Variants in HS3ST3B1 observed in about 807,000 individuals in gnomAD.
HS3ST3B1 encodes heparan sulfate glucosamine 3-O-sulfotransferase 3B1.
In HS3ST3B1, 13 loss-of-function variants were observed where a neutral mutation model predicts 21.3. The ratio of observed to expected loss-of-function variants is 0.61; its 90% CI spans 0.40 to 0.97. HS3ST3B1 has a LOEUF of 0.97. Among genes scored for constraint, HS3ST3B1 ranks in the 50% least tolerant of loss-of-function variants. The probability of loss-of-function intolerance (pLI) is 0.00; values close to 1 mark genes in which losing one functional copy is unlikely to be tolerated. For synonymous variants in HS3ST3B1, 234 were observed against 254.8 expected (o/e 0.92, Z 0.78); for missense variants, 459 against 554.8 (o/e 0.83, Z 1.73).
chr17:14,317,775 C>T (rs3785658), intron 1 of HS3ST3B1, among the ~76,000 whole-genome samples: 6,643 of 152,124 alleles, frequency 0.044, 219 homozygotes, highest in East Asian at 0.14. Context: ...GGCTTTTATC[C>T]TACAGACAAG....
At chr17:14,302,616 A>T (rs1196238503) in intron 1 of HS3ST3B1, among the ~76,000 whole-genome samples, 5 of 151,984 alleles carry the variant, frequency 3.3e-5, no homozygotes, top group African/African-American at 1.2e-4. Context: ...CGGAACCCCA[A>T]GGGTGTCAGA....
chr17:14,325,935 C>T (rs1238555276), intron 1 of HS3ST3B1, among the ~76,000 whole-genome samples: 9 of 152,152 alleles, frequency 5.9e-5, no homozygotes. Context: ...ATTTTTGCCA[C>T]AGTGCAAATA....
At chr17:14,319,992 T>A (rs1909610332) in intron 1 of HS3ST3B1, among the ~76,000 whole-genome samples, 1 of 151,992 alleles carries the variant, frequency 6.6e-6, no homozygotes, top group Non-Finnish European at 1.5e-5. Flanking sequence ...AGGGCCTTTT[T>A]AAAAAGATGA....
intron 1 of HS3ST3B1, among the ~76,000 whole-genome samples, chr17:14,338,883 C>T (rs1326258572): frequency 2.0e-5 from 3 of 152,182 alleles, no homozygotes; most frequent in African/African-American, 2.4e-5. Flanking sequence ...TGCTTGTCAT[C>T]CCCAAATCTT....
At chr17:14,304,082 G>C (rs1909043038) in intron 1 of HS3ST3B1, 1 of 152,226 alleles carries the variant, frequency 6.6e-6, no homozygotes. Context: ...CGCGCCTGCA[G>C]CGGACAGCGC....
In HS3ST3B1 at chr17:14,301,671, C is replaced by T. The variant is rs1161427928; in HGVS notation, c.153C>T (p.Cys51=). The change falls in exon 1 of 2, where the codon TGC becomes TGT. Residue 51 remains cysteine, a synonymous_variant. Coordinates refer to ENST00000360954, the MANE Select transcript of HS3ST3B1 (RefSeq NM_006041.3). Reference sequence around the variant, plus strand: ...GGCTCTATATGTTCCTGTACTCGTGCGCCGGCTCCTGCGCCGCCGCGCCGG... The same window carrying T: ...GGCTCTATATGTTCCTGTACTCGTGTGCCGGCTCCTGCGCCGCCGCGCCGG... The part of the protein sequence containing the change: ...CVWLYMFLYS[C]AGSCAAAPGL... 6.2e-7 allele frequency: 1 copy of T among 1,603,094 alleles called. No homozygotes were observed. Among genetic ancestry groups the T allele is most frequent in the Non-Finnish European group, 8.5e-7 (1 of 1,176,688 alleles).
chr17:14,329,875 C>A (rs754215095), intron 1 of HS3ST3B1, among the ~76,000 whole-genome samples: 1 of 152,224 alleles, frequency 6.6e-6, no homozygotes, highest in African/African-American at 2.4e-5. Flanking sequence ...CAAATGCCAA[C>A]GGAGACATAA....
intron 1 of HS3ST3B1, chr17:14,304,168 G>C (rs1909049787): frequency 1.3e-5 from 2 of 152,202 alleles, no homozygotes; most frequent in African/African-American, 4.8e-5. Context: ...CTGGACCCGG[G>C]CGGCCGCAAG....
intron 1 of HS3ST3B1, among the ~76,000 whole-genome samples, chr17:14,313,013 T>C (rs1909359589): frequency 6.7e-6 from 1 of 150,138 alleles, no homozygotes; most frequent in Non-Finnish European, 1.5e-5. Context: ...CAAGCAATTC[T>C]CCTGCCTCAG....
chr17:14,342,780 C>T (rs1176918011), intron 1 of HS3ST3B1, among the ~76,000 whole-genome samples: 1 of 152,150 alleles, frequency 6.6e-6, no homozygotes, highest in Admixed American at 6.5e-5. Flanking sequence ...GGCAGTCTGA[C>T]TTTAGATCCC....
chr17:14,345,401 C>T lies in HS3ST3B1; in HGVS notation c.928C>T (p.Arg310Cys). ...CAGCGACCCGGCCGGGGAGCTGGGC[C>T]GCGTGCAAGACTTCCTGGGCCTCAA... The part of the protein sequence containing the change: ...LISDPAGELG[R>C]VQDFLGLKRI... The change falls in exon 2 of 2, where the codon CGC becomes TGC. Residue 310 changes from arginine to cysteine, a missense_variant. Around this residue, in one of 3 missense-constraint regions of HS3ST3B1, gnomAD observed 127 missense variants for 209.9 expected, o/e 0.60. Coordinates refer to ENST00000360954, the MANE Select transcript of HS3ST3B1 (RefSeq NM_006041.3). The T allele has an allele frequency of 1.6e-6, 2 of 1,228,830 alleles. No individual in the cohort carries two copies. Among genetic ancestry groups the T allele is most frequent in the Non-Finnish European group, 2.3e-6 (2 of 869,840 alleles). The allele number at this position is 1,228,830 out of a possible 1,614,324, so 76.1% of individuals were successfully genotyped here. A position where few individuals can be genotyped will look rare whatever the true frequency, so the allele number is the denominator to read the frequency against.
intron 1 of HS3ST3B1, among the ~76,000 whole-genome samples, chr17:14,313,429 G>T (rs929673099): frequency 6.6e-6 from 1 of 151,990 alleles, no homozygotes; most frequent in Non-Finnish European, 1.5e-5. Context: ...ACCTCCTCTT[G>T]CTCGAAGCAC....
At chr17:14,332,181 A>C (rs989102551) in intron 1 of HS3ST3B1, among the ~76,000 whole-genome samples, 1 of 152,148 alleles carries the variant, frequency 6.6e-6, no homozygotes, top group Non-Finnish European at 1.5e-5. Flanking sequence ...GGGATGTATA[A>C]GGTCATGTAG....
intron 1 of HS3ST3B1, among the ~76,000 whole-genome samples, chr17:14,339,246 T>C (rs926987499): frequency 5.3e-5 from 8 of 152,142 alleles, no homozygotes; most frequent in Non-Finnish European, 7.4e-5. Flanking sequence ...CCAGGCCTCA[T>C]AGAAGGCAGT....
rs1201941768 is a variant in HS3ST3B1, at chr17:14,347,494, C to T, written c.*1848C>T. 6.6e-6 allele frequency: 1 copy of T among 152,176 alleles called. No individual in the cohort carries two copies. The highest frequency in any genetic ancestry group is 2.1e-4 in the South Asian group (1 of 4,830). The allele number at this position is 152,176 out of a possible 1,614,324, so 9.4% of individuals were successfully genotyped here. The stretch of plus-strand genomic sequence containing the variant: ...ATCAAGGAATATGTGGGAAGATATA[C>T]ATATTGTCAAAATGGTTGGGATGGG... On this transcript the variant is annotated 3_prime_UTR_variant, in exon 2 of 2. Transcript: ENST00000360954.
At chr17:14,305,624 T>C (rs1414397029) in intron 1 of HS3ST3B1, 1 of 152,248 alleles carries the variant, frequency 6.6e-6, no homozygotes, top group Admixed American at 6.5e-5. Context: ...TACAAAAATA[T>C]GCCTTAGACT....
rs1235621957 is a variant in HS3ST3B1, at chr17:14,348,085, T to C, written c.*2439T>C. On this transcript the variant is annotated 3_prime_UTR_variant, in exon 2 of 2. Coordinates refer to ENST00000360954, the MANE Select transcript of HS3ST3B1 (RefSeq NM_006041.3). The stretch of plus-strand genomic sequence containing the variant: ...CTACTTTCTGATCATTCTGATGGTC[T>C]GATGTGGCTGTTGATGTGGAACTGC... The C allele has an allele frequency of 6.6e-6, 1 of 152,244 alleles. No individual in the cohort carries two copies. The highest frequency in any genetic ancestry group is 2.4e-5 in the African/African-American group (1 of 41,468). 9.4% of individuals were successfully genotyped at this position (152,244 alleles called of 1,614,324 possible).
chr17:14,345,879 T>A lies in HS3ST3B1; in HGVS notation c.*233T>A. The A allele has an allele frequency of 1.9e-6, 1 of 513,178 alleles. No homozygotes were observed. The allele number at this position is 513,178 out of a possible 1,614,324, so 31.8% of individuals were successfully genotyped here. A position where few individuals can be genotyped will look rare whatever the true frequency, so the allele number is the denominator to read the frequency against. On this transcript the variant is annotated 3_prime_UTR_variant, in exon 2 of 2. Coordinates refer to ENST00000360954, the MANE Select transcript of HS3ST3B1 (RefSeq NM_006041.3). Reference sequence around the variant, plus strand: ...TCTTCACAATTGATGGTGCTTCTATTTTTTCTTCTCCCCTACCTGTTATAT... The same window carrying A: ...TCTTCACAATTGATGGTGCTTCTATATTTTCTTCTCCCCTACCTGTTATAT...
At chr17:14,308,935 G>A (rs1909213505) in intron 1 of HS3ST3B1, among the ~76,000 whole-genome samples, 1 of 152,196 alleles carries the variant, frequency 6.6e-6, no homozygotes, top group Non-Finnish European at 1.5e-5. Context: ...GGCAATGTGA[G>A]GTTTGAGAAG....
Sources: gnomAD v4.1 joint callset for allele counts (sites outside exome capture counted in the v4.1 genomes callset) on GRCh38, gnomAD v4.1.1 for gene constraint, gnomAD v4.1.1 regional missense constraint, MANE v1.5 for transcripts, NCBI Gene and HGNC (gene_info 2026-07-23, HGNC 2026-07-21) for gene names.